The following CENPX variants were observed in gnomAD, a reference collection of about 807,000 sequenced individuals.
CENPX encodes centromere protein X, also known as FANCM associated histone fold protein 2.
CENPX carries 13 observed loss-of-function variants against 13.2 expected under a neutral mutation model. The observed-to-expected ratio is 0.98, with a 90% confidence interval of 0.64 to 1.56. The LOEUF (loss-of-function observed/expected upper bound fraction) is 1.56, where lower values mean the gene tolerates loss of function less well. Ranked by LOEUF, CENPX falls within the 40% of genes most tolerant of loss-of-function variation. The pLI is 0.00. For missense variants in CENPX, 138 were observed against 107.5 expected (o/e 1.28, Z -1.26); for synonymous variants, 66 against 47.2 (o/e 1.40, Z -1.63).
chr17:82,019,834 T>TACC, intron 2 of CENPX, 24 bp downstream of exon 2: 11 of 1,207,726 alleles, frequency 9.1e-6, no homozygotes, highest in Non-Finnish European at 1.3e-5. Flanking sequence ...GGGACCCACC[T>TACC]CCCGCCCGCA....
chr17:82,019,664 TCCA>T lies in CENPX; in HGVS notation c.116_118del (p.Val39del), dbSNP rs1431946828. On this transcript the variant is annotated inframe_deletion, in exon 3 of 5. Coordinates refer to ENST00000392359, the MANE Select transcript of CENPX (RefSeq NM_001271006.2). ...ACCCACAACGAAGACCTTCAGCAAC[TCCA>T]CCATGAGCTGCAGCGCGTCCCCGCT... is the stretch of plus-strand genomic sequence containing the variant. 5 of 1,550,212 alleles carry T rather than the reference TCCA, an allele frequency of 3.2e-6. No homozygotes were observed. Among genetic ancestry groups the T allele is most frequent in the Non-Finnish European group, 4.4e-6 (5 of 1,146,948 alleles).
At chr17:82,022,178 G>A (rs1347067243) in intron 1 of CENPX, among the ~76,000 whole-genome samples, 2 of 152,242 alleles carry the variant, frequency 1.3e-5, no homozygotes, top group African/African-American at 4.8e-5. Flanking sequence ...TCCAGGAACA[G>A]GGAAGAGCAG....
chr17:82,021,690 G>C (rs749580444), intron 1 of CENPX, among the ~76,000 whole-genome samples: 4 of 152,216 alleles, frequency 2.6e-5, no homozygotes, highest in Non-Finnish European at 5.9e-5. Flanking sequence ...TGGGCCTCTA[G>C]TTGTCAGGTG....
rs1002117727 is a variant in CENPX at position 82,019,026 on chromosome 17, C to T, written c.*179G>A. Reference sequence around the variant, plus strand: ...TCCCCACTGGACACTCCAAGGCCCGCAGTGCACTGCAGTCCTGCCCCTTCT... The same window carrying T: ...TCCCCACTGGACACTCCAAGGCCCGTAGTGCACTGCAGTCCTGCCCCTTCT... On this transcript the variant is annotated 3_prime_UTR_variant, in exon 5 of 5. Coordinates refer to ENST00000392359, the MANE Select transcript of CENPX (RefSeq NM_001271006.2). 2.2e-6 allele frequency: 2 copies of T among 901,754 alleles called. No individual in the cohort carries two copies. Among genetic ancestry groups the T allele is most frequent in the South Asian group, 4.8e-5 (2 of 42,042 alleles). 55.9% of individuals were successfully genotyped at this position (901,754 alleles called of 1,614,324 possible).
Position 82,022,753 on chromosome 17 carries a change from G to A in CENPX, c.36+73C>T. 3.3e-6 allele frequency: 5 copies of A among 1,500,322 alleles called. 1 individual carries two copies. The South Asian group carries it at 6.0e-5, about 18-fold the overall frequency. 92.9% of individuals were successfully genotyped at this position (1,500,322 alleles called of 1,614,324 possible). On this transcript the variant is annotated intron_variant, in intron 1 of 4. Coordinates refer to ENST00000392359, the MANE Select transcript of CENPX (RefSeq NM_001271006.2). Reference sequence around the variant, plus strand: ...GGGGCGGCGCGGGGGCTGGCGTCTGGCCCTCACAGTGTCACGCGTGAGGTC... The same window carrying A: ...GGGGCGGCGCGGGGGCTGGCGTCTGACCCTCACAGTGTCACGCGTGAGGTC...
At chr17:82,021,798 C>T (rs558644151) in intron 1 of CENPX, among the ~76,000 whole-genome samples, 64 of 152,210 alleles carry the variant, frequency 4.2e-4, no homozygotes, top group Non-Finnish European at 8.7e-4. Context: ...TCACAACCAC[C>T]CAGTGAGGTG....
At chr17:82,021,919 G>T (rs924103198) in intron 1 of CENPX, among the ~76,000 whole-genome samples, 1 of 152,162 alleles carries the variant, frequency 6.6e-6, no homozygotes, top group African/African-American at 2.4e-5. Flanking sequence ...TGCCTTGGGT[G>T]ATAAAGAAGG....
Position 82,019,673 on chromosome 17 carries a change from A to G in CENPX, c.110T>C (p.Leu37Pro). 6.5e-7 allele frequency: 1 copy of G among 1,550,272 alleles called. No individual in the cohort carries two copies. The highest frequency in any genetic ancestry group is 8.7e-7 in the Non-Finnish European group (1 of 1,146,950). ...GAAGACCTTCAGCAACTCCACCATG[A>G]GCTGCAGCGCGTCCCCGCTCACTGC... ...KTKVSGDALQ[L>P]MVELLKVFVV... Residue 37 changes from leucine to proline, a missense_variant, in exon 3 of 5, where the codon CTC (leucine) becomes CCC (proline). Coordinates refer to ENST00000392359, the MANE Select transcript of CENPX (RefSeq NM_001271006.2).
intron 1 of CENPX, among the ~76,000 whole-genome samples, chr17:82,020,359 C>T (rs978052191): frequency 5.9e-5 from 9 of 152,350 alleles, no homozygotes; most frequent in Admixed American, 1.3e-4. Flanking sequence ...TGCAGGTGGG[C>T]TGGCCTGAGG....
chr17:82,020,115 C>T (rs2043255050), intron 1 of CENPX, among the ~76,000 whole-genome samples: 2 of 152,184 alleles, frequency 1.3e-5, no homozygotes, highest in Admixed American at 6.5e-5. Flanking sequence ...CACTAGGGGG[C>T]GCCAGGGCCC....
intron 1 of CENPX, among the ~76,000 whole-genome samples, chr17:82,020,124 C>A (rs1437924507): frequency 6.6e-6 from 1 of 152,170 alleles, no homozygotes; most frequent in Non-Finnish European, 1.5e-5. Context: ...GCGCCAGGGC[C>A]CTGCACAGGG....
rs1014994172 is a variant in CENPX, at chr17:82,018,850, C to T, written c.*355G>A. ...TGGCAGGAATGTGGGCAGGAGGCAG[C>T]GCTGCCAGCTGCTGTTTGTCAAACA... On this transcript the variant is annotated 3_prime_UTR_variant, in exon 5 of 5. Transcript: ENST00000392359. The T allele has an allele frequency of 6.7e-5, 23 of 343,138 alleles. 1 individual carries two copies. The Middle Eastern group carries it at 2.1e-3, about 32-fold the overall frequency. The allele number at this position is 343,138 out of a possible 1,614,324, so 21.3% of individuals were successfully genotyped here.
At chr17:82,020,784 TGGG>T (rs950013280) in intron 1 of CENPX, among the ~76,000 whole-genome samples, 1 of 148,464 alleles carries the variant, frequency 6.7e-6, no homozygotes, top group African/African-American at 2.4e-5. Context: ...TCTGAGGAGA[TGGG>T]GGGCCGTGGG....
At position 82,021,340 on chromosome 17, in the gene CENPX, T is replaced by A. The variant is rs2043277935; in HGVS notation, c.37-1431A>T. Among the ~76,000 whole-genome samples the A allele has an allele frequency of 2.6e-5, 4 of 152,218 alleles. No individual in the cohort carries two copies. In the South Asian group the frequency reaches 8.3e-4, roughly 32 times the overall value. ...CCTGCTGGTCCTTCCAGCTGCTTAC[T>A]GCCAGCAGTACCAGAAAGGCACCAG... On this transcript the variant is annotated intron_variant, in intron 1 of 4. Transcript: ENST00000392359.
At position 82,022,818 on chromosome 17, in the gene CENPX, G is replaced by A. The variant is rs774297256; in HGVS notation, c.36+8C>T. On this transcript the variant is annotated splice_region_variant and intron_variant, in intron 1 of 4. Transcript: ENST00000392359. ...GCGCCTGCCTAGCCCCTGCCCTCCG[G>A]CCCTCACCTTCCGGAAGCCGGATCC... 5.2e-5 allele frequency: 83 copies of A among 1,585,222 alleles called. 1 individual carries two copies. Among genetic ancestry groups the A allele is most frequent in the Middle Eastern group, 1.9e-4 (1 of 5,198 alleles).
At chr17:82,019,262 C>T (rs764653848) in intron 4 of CENPX, 31 bp downstream of exon 4, 4 of 1,596,720 alleles carry the variant, frequency 2.5e-6, no homozygotes, top group Non-Finnish European at 3.4e-6. Flanking sequence ...GCCGGGCACC[C>T]CCACTTGCGC....
chr17:82,021,114 C>T (rs1568009317), intron 1 of CENPX, among the ~76,000 whole-genome samples: 1 of 152,236 alleles, frequency 6.6e-6, no homozygotes, highest in Non-Finnish European at 1.5e-5. Context: ...AGGGAGGTCA[C>T]AGCACCTCAC....
chr17:82,019,214 C>T lies in CENPX; in HGVS notation c.237G>A (p.Leu79=), dbSNP rs897793427. The change falls in exon 5 of 5, where the codon CTG becomes CTA. Residue 79 remains leucine (L), a synonymous_variant. Transcript: ENST00000392359. ...GCCACGGCTGAGATCCCTAGAAGTC[C>T]AGGAGCTGTGGGGAAGAGAAGCACT... ...QLEKVLPQLL[L]DF 7.6e-6 allele frequency: 12 copies of T among 1,585,544 alleles called. No individual in the cohort carries two copies. In the African/African-American group the frequency reaches 1.5e-4, roughly 19 times the overall value.
At position 82,019,132 on chromosome 17, in the gene CENPX, C is replaced by T. The variant is rs1432429014; in HGVS notation, c.*73G>A. ...TCCTTCCCTGCCTCTTATCAGAGGC[C>T]GCTGGAAACACAAGGCCTGCTTCTG... On this transcript the variant is annotated 3_prime_UTR_variant, in exon 5 of 5. Coordinates refer to ENST00000392359, the MANE Select transcript of CENPX (RefSeq NM_001271006.2). 10 of 1,492,068 alleles carry T rather than the reference C, an allele frequency of 6.7e-6. No individual in the cohort carries two copies. The highest frequency in any genetic ancestry group is 2.3e-5 in the East Asian group (1 of 43,154). 92.4% of individuals were successfully genotyped at this position (1,492,068 alleles called of 1,614,324 possible).
Sources: allele counts gnomAD v4.1 joint callset (sites outside exome capture counted in the v4.1 genomes callset), GRCh38; gene constraint gnomAD v4.1.1; transcripts MANE v1.5; gene names NCBI Gene and HGNC (gene_info 2026-07-23, HGNC 2026-07-21).